The following ARHGAP21 variants were observed in gnomAD, a reference collection of about 807,000 sequenced individuals.
ARHGAP21 encodes Rho GTPase activating protein 21, also known as rho GTPase-activating protein 21.
ARHGAP21 carries 38 observed loss-of-function variants against 164.6 expected under a neutral mutation model. That is an observed-to-expected ratio of 0.23 (90% CI 0.18 to 0.30). ARHGAP21 has a LOEUF of 0.30. ARHGAP21 is among the 10% of genes least tolerant of loss of function. The probability of loss-of-function intolerance (pLI) is 1.00; values close to 1 mark genes in which losing one functional copy is unlikely to be tolerated. For synonymous variants in ARHGAP21, 766 were observed against 857.9 expected, an observed-to-expected ratio of 0.89 and a Z score of 1.87; for missense variants, 1,822 against 2,370.7, an observed-to-expected ratio of 0.77 and a Z score of 4.81.
intron 2 of ARHGAP21, among the ~76,000 whole-genome samples, chr10:24,692,709 A>G (rs2132031208): frequency 6.6e-6 from 1 of 152,250 alleles, no homozygotes; most frequent in East Asian, 1.9e-4. Context: ...GCAGACACCT[A>G]TAATCCCAGC....
intron 4 of ARHGAP21, among the ~76,000 whole-genome samples, chr10:24,651,229 G>A (rs1028792296): frequency 2.0e-5 from 3 of 152,112 alleles, no homozygotes; most frequent in African/African-American, 7.2e-5. Flanking sequence ...CCCCATTCCT[G>A]CCCAAAGCAG....
At position 24,715,511 on chromosome 10, in the gene ARHGAP21, T is replaced by C. The variant is rs545702974; in HGVS notation, c.63+6326A>G. On this transcript the variant is annotated intron_variant, in intron 2 of 25. Transcript: ENST00000396432. The stretch of plus-strand genomic sequence containing the variant: ...TAATTATCATGATCTCATCTCTTAG[T>C]GGAAATTGTTTCATACATTTGTACT... Among the ~76,000 whole-genome samples the C allele has an allele frequency of 2.6e-5, 4 of 152,358 alleles. No homozygotes were observed. The East Asian group carries it at 7.7e-4, about 29-fold the overall frequency.
At chr10:24,615,491 A>C (rs7089436) in intron 9 of ARHGAP21, among the ~76,000 whole-genome samples, 22,994 of 152,188 alleles carry the variant, frequency 0.15, 2,219 homozygotes, top group Middle Eastern at 0.32. Flanking sequence ...GTCGGCATAA[A>C]ACTTAGAATG....
chr10:24,584,568 G>A lies in ARHGAP21; in HGVS notation c.5721C>T (p.Asn1907=), dbSNP rs765142725. The part of the protein sequence containing the change: ...GSSSSTLAST[N]RPLLSIPPQS... Reference sequence around the variant, plus strand: ...GTGGTGGTATGGAAAGAAGGGGCCTGTTTGTTGAAGCCAAGGTGCTGGAAG... The same window carrying A: ...GTGGTGGTATGGAAAGAAGGGGCCTATTTGTTGAAGCCAAGGTGCTGGAAG... Residue 1907 remains asparagine, a synonymous_variant, in exon 26 of 26, where the codon AAC becomes AAT. Coordinates refer to ENST00000396432, the MANE Select transcript of ARHGAP21 (RefSeq NM_020824.4). 1.2e-6 allele frequency: 2 copies of A among 1,613,920 alleles called. No individual in the cohort carries two copies. Among genetic ancestry groups the A allele is most frequent in the South Asian group, 2.2e-5 (2 of 91,062 alleles).
chr10:24,599,099 G>A (rs750822233), intron 14 of ARHGAP21, among the ~76,000 whole-genome samples: 5 of 152,176 alleles, frequency 3.3e-5, no homozygotes, highest in Admixed American at 6.5e-5. Flanking sequence ...AGATGGTGAT[G>A]CTAATAGCTC....
At chr10:24,589,168 G>A (rs1376982272) in intron 25 of ARHGAP21, 103 bp downstream of exon 25, 1 of 964,868 alleles carries the variant, frequency 1.0e-6, no homozygotes, top group Admixed American at 2.1e-5. Flanking sequence ...TTGTTGCTCT[G>A]TCTCATTAGA....
At chr10:24,654,278 G>A (rs1282133289) in intron 4 of ARHGAP21, among the ~76,000 whole-genome samples, 1 of 152,132 alleles carries the variant, frequency 6.6e-6, no homozygotes, top group African/African-American at 2.4e-5. Flanking sequence ...TCTGGCCAGG[G>A]CAATCAGGCA....
chr10:24,721,781 A>G, intron 2 of ARHGAP21, 56 bp downstream of exon 2: 1 of 1,598,282 alleles, frequency 6.3e-7, no homozygotes, highest in Non-Finnish European at 8.5e-7. Context: ...AACTTGCAGG[A>G]CGCTCAAGAC....
chr10:24,629,512 A>G (rs549767916), intron 7 of ARHGAP21: 1 of 156,976 alleles, frequency 6.4e-6, no homozygotes, highest in Non-Finnish European at 1.4e-5. Flanking sequence ...TACTACTAAC[A>G]ATACTGCTTG....
intron 2 of ARHGAP21, among the ~76,000 whole-genome samples, chr10:24,708,914 T>C (rs1844506485): frequency 6.6e-6 from 1 of 152,234 alleles, no homozygotes; most frequent in Non-Finnish European, 1.5e-5. Flanking sequence ...AGAGCAGATA[T>C]CTTTTTGATA....
intron 4 of ARHGAP21, among the ~76,000 whole-genome samples, chr10:24,658,207 A>T (rs1249078204): frequency 1.3e-5 from 2 of 152,176 alleles, no homozygotes; most frequent in African/African-American, 4.8e-5. Flanking sequence ...AGAAACAGGA[A>T]AGCTTTTATA....
intron 6 of ARHGAP21, among the ~76,000 whole-genome samples, chr10:24,631,646 CTTTCA>C (rs1190405544): frequency 6.6e-6 from 1 of 152,070 alleles, no homozygotes; most frequent in Non-Finnish European, 1.5e-5. Context: ...TATGTAGGTA[CTTTCA>C]TTTCAATATT....
chr10:24,592,100 G>T, intron 21 of ARHGAP21, 88 bp from the exon 22 acceptor site: 3 of 1,051,136 alleles, frequency 2.9e-6, no homozygotes, highest in East Asian at 3.8e-5. Context: ...TGATGAAAAA[G>T]AATAAACAGA....
At chr10:24,610,537 A>G (rs2077214648) in intron 9 of ARHGAP21, among the ~76,000 whole-genome samples, 1 of 152,056 alleles carries the variant, frequency 6.6e-6, no homozygotes, top group African/African-American at 2.4e-5. Flanking sequence ...ATATCCAAAA[A>G]TTTTGCTTTG....
intron 2 of ARHGAP21, among the ~76,000 whole-genome samples, chr10:24,671,644 C>T (rs1219218609): frequency 1.3e-5 from 2 of 152,060 alleles, no homozygotes; most frequent in Non-Finnish European, 2.9e-5. Flanking sequence ...CTCTCTTTTG[C>T]ATCACTTATT....
intron 4 of ARHGAP21, among the ~76,000 whole-genome samples, chr10:24,642,155 C>A (rs967908004): frequency 6.6e-6 from 1 of 152,100 alleles, no homozygotes; most frequent in African/African-American, 2.4e-5. Context: ...ATGCAAATCC[C>A]AGATATCATG....
chr10:24,721,877 C>T lies in ARHGAP21; in HGVS notation c.23G>A (p.Gly8Asp), dbSNP rs1308605862. ...CTTGTCACCATCTCCCTCAGACAGACCAGTCCGACGCGTGGCCATCATTTC... is the reference window on the plus strand; with the variant it reads ...CTTGTCACCATCTCCCTCAGACAGATCAGTCCGACGCGTGGCCATCATTTC... MMATRRT[G>D]LSEGDGDKLK... Residue 8 changes from glycine to aspartate, a missense_variant, in exon 2 of 26, where the codon GGT (glycine) becomes GAT (aspartate). Physicochemically the swap from Gly to Asp is moderately conservative, Grantham distance 94. This residue lies in a region of ARHGAP21 where 1,090 missense variants were observed against 1,378.9 expected (regional missense o/e 0.79). Transcript: ENST00000396432. 6.2e-7 allele frequency: 1 copy of T among 1,614,108 alleles called. No individual in the cohort carries two copies. The highest frequency in any genetic ancestry group is 8.5e-7 in the Non-Finnish European group (1 of 1,180,054).
chr10:24,691,603 G>A (rs1247684990), intron 2 of ARHGAP21, among the ~76,000 whole-genome samples: 1 of 152,148 alleles, frequency 6.6e-6, no homozygotes, highest in Non-Finnish European at 1.5e-5. Flanking sequence ...CCTGGAGGAA[G>A]GCCTTTTAGA....
chr10:24,711,147 A>AGGGT (rs1844770401), intron 2 of ARHGAP21, among the ~76,000 whole-genome samples: 4 of 14,396 alleles, frequency 2.8e-4, no homozygotes, highest in East Asian at 2.6e-3. Flanking sequence ...GGAGGGAGGG[A>AGGGT]GGGTGGGAGG....
Sources: gnomAD v4.1 joint callset for allele counts (sites outside exome capture counted in the v4.1 genomes callset) on GRCh38, gnomAD v4.1.1 for gene constraint, gnomAD v4.1.1 regional missense constraint, MANE v1.5 for transcripts, NCBI Gene and HGNC (gene_info 2026-07-23, HGNC 2026-07-21) for gene names.